Variants in HS6ST3 observed in about 807,000 individuals in gnomAD.
HS6ST3 encodes the protein heparan-sulfate 6-O-sulfotransferase 3.
In HS6ST3, 12 loss-of-function variants were observed where a neutral mutation model predicts 36.7. That is an observed-to-expected ratio of 0.33 (90% CI 0.21 to 0.53). The LOEUF (loss-of-function observed/expected upper bound fraction) is 0.53, where lower values mean the gene tolerates loss of function less well. Among genes scored for constraint, HS6ST3 ranks in the 20% least tolerant of loss-of-function variants. The pLI is 0.95. For synonymous variants in HS6ST3, 240 were observed against 257.5 expected, an observed-to-expected ratio of 0.93 and a Z score of 0.65; for missense variants, 584 against 640.9, an observed-to-expected ratio of 0.91 and a Z score of 0.96.
At chr13:96,333,303 C>T (rs761337304) in intron 1 of HS6ST3, among the ~76,000 whole-genome samples, 1 of 152,168 alleles carries the variant, frequency 6.6e-6, no homozygotes, top group African/African-American at 2.4e-5. Context: ...GGAAAGATTC[C>T]ATGTCTATAA....
At chr13:96,585,866 A>C (rs1305465836) in intron 1 of HS6ST3, among the ~76,000 whole-genome samples, 2 of 152,172 alleles carry the variant, frequency 1.3e-5, no homozygotes, top group Non-Finnish European at 2.9e-5. Flanking sequence ...TGGACACTTA[A>C]TTGACTCCAT....
intron 1 of HS6ST3, among the ~76,000 whole-genome samples, chr13:96,095,555 G>T (rs1009882890): frequency 3.3e-5 from 5 of 152,222 alleles, no homozygotes; most frequent in African/African-American, 1.2e-4. Context: ...CCGGAAGGTT[G>T]GGGAGAGGTG....
intron 1 of HS6ST3, among the ~76,000 whole-genome samples, chr13:96,788,094 T>C (rs560471009): frequency 6.6e-6 from 1 of 152,060 alleles, no homozygotes; most frequent in African/African-American, 2.4e-5. Flanking sequence ...GGTTCTATGT[T>C]ATGTTTCATT....
chr13:96,462,431 C>G (rs748127560), intron 1 of HS6ST3, among the ~76,000 whole-genome samples: 6 of 152,166 alleles, frequency 3.9e-5, no homozygotes, highest in Non-Finnish European at 8.8e-5. Context: ...TTATTTATGA[C>G]TTGAATAATT....
chr13:96,323,067 T>C (rs1338984334), intron 1 of HS6ST3, among the ~76,000 whole-genome samples: 1 of 152,208 alleles, frequency 6.6e-6, no homozygotes, highest in African/African-American at 2.4e-5. Flanking sequence ...ACCCCTTCTG[T>C]ACTTCTCCAT....
At chr13:96,610,019 A>G (rs975583842) in intron 1 of HS6ST3, among the ~76,000 whole-genome samples, 3 of 152,188 alleles carry the variant, frequency 2.0e-5, no homozygotes, top group African/African-American at 7.2e-5. Flanking sequence ...ACAACACAGT[A>G]CATGGCACAC....
intron 1 of HS6ST3, among the ~76,000 whole-genome samples, chr13:96,243,571 G>A (rs1345716127): frequency 1.3e-5 from 2 of 152,148 alleles, no homozygotes; most frequent in Admixed American, 6.5e-5. Flanking sequence ...AATTGACAAG[G>A]CTGCTAATAG....
chr13:96,831,550 A>C (rs1421279677), intron 1 of HS6ST3, among the ~76,000 whole-genome samples: 1 of 152,210 alleles, frequency 6.6e-6, no homozygotes, highest in Non-Finnish European at 1.5e-5. Context: ...TCCATAAAGC[A>C]TGTAGCACAG....
chr13:96,389,188 T>C (rs77374052), intron 1 of HS6ST3, among the ~76,000 whole-genome samples: 3,812 of 152,264 alleles, frequency 0.025, 189 homozygotes, highest in African/African-American at 0.086. Context: ...AGATATCTCA[T>C]GTAAGACATG....
At chr13:96,119,876 GAAA>G (rs34371079) in intron 1 of HS6ST3, among the ~76,000 whole-genome samples, 2 of 143,994 alleles carry the variant, frequency 1.4e-5, no homozygotes, top group Admixed American at 6.9e-5. Flanking sequence ...AATATAATAG[GAAA>G]AAAAAAAAAA....
intron 1 of HS6ST3, among the ~76,000 whole-genome samples, chr13:96,346,524 G>A (rs376595429): frequency 2.6e-5 from 4 of 151,110 alleles, no homozygotes; most frequent in African/African-American, 9.7e-5. Context: ...GCAGTGAGCC[G>A]AGATCGCGCC....
chr13:96,476,650 C>T (rs572136404), intron 1 of HS6ST3, among the ~76,000 whole-genome samples: 43 of 152,292 alleles, frequency 2.8e-4, no homozygotes, highest in African/African-American at 8.2e-4. Flanking sequence ...CGTGAGCCAT[C>T]GCGCCTGGCC....
chr13:96,105,574 C>T (rs531219884), intron 1 of HS6ST3, among the ~76,000 whole-genome samples: 6 of 152,106 alleles, frequency 3.9e-5, no homozygotes, highest in South Asian at 4.2e-4. Context: ...CATTTGAGCC[C>T]GGGAGGCGGA....
At chr13:96,275,758 C>T (rs1254259060) in intron 1 of HS6ST3, among the ~76,000 whole-genome samples, 1 of 151,900 alleles carries the variant, frequency 6.6e-6, no homozygotes, top group African/African-American at 2.4e-5. Flanking sequence ...AGCTTTTATG[C>T]AAGGCTCAAG....
At chr13:96,737,010 T>A (rs1006576480) in intron 1 of HS6ST3, among the ~76,000 whole-genome samples, 17 of 151,984 alleles carry the variant, frequency 1.1e-4, no homozygotes, top group African/African-American at 4.1e-4. Context: ...AACTTCTAAC[T>A]AAGAAAAACA....
intron 1 of HS6ST3, among the ~76,000 whole-genome samples, chr13:96,785,390 C>T (rs1408627802): frequency 1.3e-5 from 2 of 151,756 alleles, no homozygotes; most frequent in African/African-American, 4.8e-5. Flanking sequence ...AGAAATAACT[C>T]AGATCAGTCA....
intron 1 of HS6ST3, among the ~76,000 whole-genome samples, chr13:96,539,971 G>T (rs2056171591): frequency 6.6e-6 from 1 of 152,238 alleles, no homozygotes; most frequent in Non-Finnish European, 1.5e-5. Context: ...ATTGCTTCAT[G>T]CTCAGAGTCT....
Position 96,837,180 on chromosome 13 carries a change from T to G in HS6ST3, c.*3982T>G, listed in dbSNP as rs7338750. On this transcript the variant is annotated 3_prime_UTR_variant, in exon 2 of 2. Coordinates refer to ENST00000376705, the MANE Select transcript of HS6ST3 (RefSeq NM_153456.4). ...TTAATACTGATAAAGACTATCAGTATCTGATACAAAAGGGAACCAAACGAT... is the reference window on the plus strand; with the variant it reads ...TTAATACTGATAAAGACTATCAGTAGCTGATACAAAAGGGAACCAAACGAT... 1 of 152,224 alleles carries G rather than the reference T, an allele frequency of 6.6e-6. No individual in the cohort carries two copies. The highest frequency in any genetic ancestry group is 1.9e-4 in the East Asian group (1 of 5,204). 9.4% of individuals were successfully genotyped at this position (152,224 alleles called of 1,614,324 possible).
At chr13:96,648,862 T>A (rs2056598125) in intron 1 of HS6ST3, among the ~76,000 whole-genome samples, 2 of 152,126 alleles carry the variant, frequency 1.3e-5, no homozygotes, top group South Asian at 4.1e-4. Context: ...TAGTACTTCC[T>A]AGTGTATATG....
Sources: gnomAD v4.1 joint callset for allele counts (sites outside exome capture counted in the v4.1 genomes callset) on GRCh38, gnomAD v4.1.1 for gene constraint, MANE v1.5 for transcripts, NCBI Gene and HGNC (gene_info 2026-07-23, HGNC 2026-07-21) for gene names.